Variants in IMMP2L observed in about 807,000 individuals in gnomAD.
The protein encoded by IMMP2L is inner mitochondrial membrane peptidase subunit 2.
In IMMP2L, 18 loss-of-function variants were observed where a neutral mutation model predicts 19.3. The ratio of observed to expected loss-of-function variants is 0.93; its 90% CI spans 0.64 to 1.38. IMMP2L has a LOEUF of 1.38. Ranked by LOEUF, IMMP2L falls within the 40% of genes most tolerant of loss-of-function variation. The probability of loss-of-function intolerance (pLI) is 0.00; values close to 1 mark genes in which losing one functional copy is unlikely to be tolerated. For missense variants in IMMP2L, 233 were observed against 218.2 expected (o/e 1.07, Z -0.43); for synonymous variants, 76 against 73.0 (o/e 1.04, Z -0.21).
At chr7:110,856,715 C>T (rs1042646656) in intron 5 of IMMP2L, among the ~76,000 whole-genome samples, 5 of 152,096 alleles carry the variant, frequency 3.3e-5, no homozygotes, top group East Asian at 1.9e-4. Context: ...TGAAAATTTA[C>T]GTCAAGATAT....
intron 2 of IMMP2L, among the ~76,000 whole-genome samples, chr7:111,515,060 T>C (rs1380455228): frequency 6.6e-6 from 1 of 152,122 alleles, no homozygotes; most frequent in African/African-American, 2.4e-5. Flanking sequence ...GTTCGGCTAA[T>C]GGTTGCTTCT....
intron 2 of IMMP2L, among the ~76,000 whole-genome samples, chr7:111,498,623 C>T (rs1035614238): frequency 6.6e-6 from 1 of 152,020 alleles, no homozygotes; most frequent in Non-Finnish European, 1.5e-5. Flanking sequence ...CCCTCAGAAG[C>T]ATGTAACTCC....
At chr7:111,125,041 C>T in intron 3 of IMMP2L, 1 of 634,950 alleles carries the variant, frequency 1.6e-6, no homozygotes, top group Non-Finnish European at 2.7e-6. Flanking sequence ...TTAAGCTTCA[C>T]CAATGCTGCT....
At chr7:111,312,808 T>C (rs1823660071) in intron 3 of IMMP2L, among the ~76,000 whole-genome samples, 1 of 152,122 alleles carries the variant, frequency 6.6e-6, no homozygotes, top group Non-Finnish European at 1.5e-5. Context: ...CAAATTCTCA[T>C]CTTTGAAATT....
At chr7:110,957,543 T>C (rs1585439404) in intron 4 of IMMP2L, among the ~76,000 whole-genome samples, 1 of 151,930 alleles carries the variant, frequency 6.6e-6, no homozygotes, top group Non-Finnish European at 1.5e-5. Context: ...TACTACTCCA[T>C]GGCTCGCCAT....
At chr7:111,206,107 A>G (rs1340824641) in intron 3 of IMMP2L, among the ~76,000 whole-genome samples, 1 of 152,136 alleles carries the variant, frequency 6.6e-6, no homozygotes, top group Non-Finnish European at 1.5e-5. Flanking sequence ...GACTGCTTTA[A>G]AACACCTCAA....
At chr7:111,025,996 T>C (rs145650684) in intron 3 of IMMP2L, among the ~76,000 whole-genome samples, 2,327 of 151,034 alleles carry the variant, frequency 0.015, 31 homozygotes, top group Middle Eastern at 0.034. Context: ...ATCTGATAGA[T>C]CCTTTTGCTA....
In IMMP2L at chr7:110,803,010, G is replaced by T. The variant is rs949780596; in HGVS notation, c.408+83583C>A. On this transcript the variant is annotated intron_variant, in intron 5 of 5. Transcript: ENST00000405709. This position sits in a 1 kb window ranked among gnomAD's most constrained non-coding sequence, Gnocchi z 4.2. ...GATGTTAAAATAGAAATATGCAAAAGAAGTAGAGATTATAAACACAATTAC... is the reference window on the plus strand; with the variant it reads ...GATGTTAAAATAGAAATATGCAAAATAAGTAGAGATTATAAACACAATTAC... 3.3e-5 allele frequency among the ~76,000 whole-genome samples: 5 copies of T among 152,082 alleles called. No individual in the cohort carries two copies. Among genetic ancestry groups the T allele is most frequent in the Non-Finnish European group, 5.9e-5 (4 of 67,984 alleles).
At chr7:110,916,990 G>GA in intron 4 of IMMP2L, among the ~76,000 whole-genome samples, 1 of 152,102 alleles carries the variant, frequency 6.6e-6, no homozygotes, top group East Asian at 1.9e-4. Flanking sequence ...ATGTTCTTTG[G>GA]AAAAAGGGCC....
chr7:111,119,129 A>G (rs748381122), intron 3 of IMMP2L, among the ~76,000 whole-genome samples: 6 of 152,172 alleles, frequency 3.9e-5, no homozygotes, highest in Non-Finnish European at 8.8e-5. Flanking sequence ...TCTGCTGGAG[A>G]AAGCAGACCT....
At chr7:111,482,164 G>C (rs1842246964) in intron 3 of IMMP2L, among the ~76,000 whole-genome samples, 1 of 152,110 alleles carries the variant, frequency 6.6e-6, no homozygotes. Context: ...GTAACTATAG[G>C]TGCTTGCTAT....
intron 4 of IMMP2L, among the ~76,000 whole-genome samples, chr7:110,889,177 A>AT (rs751754250): frequency 1.3e-5 from 2 of 152,002 alleles, no homozygotes; most frequent in African/African-American, 4.8e-5. Flanking sequence ...ATGGAAGACA[A>AT]TTTTTTCATG....
chr7:111,111,938 G>GTT (rs1554519289), intron 3 of IMMP2L, among the ~76,000 whole-genome samples: 5 of 118,520 alleles, frequency 4.2e-5, no homozygotes, highest in East Asian at 2.3e-4. Context: ...TATATATATA[G>GTT]TTTGTTTTTT....
intron 3 of IMMP2L, among the ~76,000 whole-genome samples, chr7:111,201,269 G>A (rs556204497): frequency 3.5e-5 from 5 of 143,180 alleles, no homozygotes; most frequent in African/African-American, 5.5e-5. Context: ...AACATTTAAC[G>A]TATCAAATCC....
At chr7:111,404,469 G>A (rs1170539669) in intron 3 of IMMP2L, among the ~76,000 whole-genome samples, 3 of 151,900 alleles carry the variant, frequency 2.0e-5, no homozygotes, top group South Asian at 2.1e-4. Flanking sequence ...AATCACAAGC[G>A]ACCTCTGAGC....
intron 5 of IMMP2L, among the ~76,000 whole-genome samples, chr7:110,686,339 T>G (rs975714034): frequency 6.6e-6 from 1 of 150,836 alleles, no homozygotes; most frequent in African/African-American, 2.5e-5. Context: ...CTCTGTTTTT[T>G]TGCTCTCTTT....
rs144099683 is a variant in IMMP2L at position 111,117,094 on chromosome 7, A to C, written c.240-153529T>G. ...AATAATGGCAGGTAACTAATTTGAT[A>C]GTCTTTAAAAGCCCCATAATGACTA... On this transcript the variant is annotated intron_variant, in intron 3 of 5. Transcript: ENST00000405709. Among the ~76,000 whole-genome samples the C allele has an allele frequency of 1.8e-3, 269 of 152,306 alleles. 7 individuals carry two copies. In the East Asian group the frequency reaches 0.041, roughly 23 times the overall value.
chr7:111,094,320 T>C (rs1797178853), intron 3 of IMMP2L, among the ~76,000 whole-genome samples: 1 of 152,086 alleles, frequency 6.6e-6, no homozygotes, highest in Admixed American at 6.6e-5. Flanking sequence ...GAGGTATCTG[T>C]TGGTGAATCT....
At chr7:110,789,219 G>A (rs1800295579) in intron 5 of IMMP2L, among the ~76,000 whole-genome samples, 1 of 151,786 alleles carries the variant, frequency 6.6e-6, no homozygotes, top group Non-Finnish European at 1.5e-5. Flanking sequence ...GTCGAATAGA[G>A]GGAACAGACA....
Sources: allele counts gnomAD v4.1 joint callset (sites outside exome capture counted in the v4.1 genomes callset), GRCh38; gene constraint gnomAD v4.1.1; non-coding constraint Gnocchi (gnomAD v3.1); transcripts MANE v1.5; gene names NCBI Gene and HGNC (gene_info 2026-07-23, HGNC 2026-07-21).